RPH3AL: variants seen among roughly 807,000 people sequenced by gnomAD.
RPH3AL encodes the protein rabphilin 3A like (without C2 domains).
RPH3AL carries 38 observed loss-of-function variants against 43.1 expected under a neutral mutation model. That is an observed-to-expected ratio of 0.88 (90% CI 0.68 to 1.15). The LOEUF is 1.15. Ranked by LOEUF, RPH3AL falls within the 50% of genes most tolerant of loss-of-function variation. The pLI is 0.00. For missense variants in RPH3AL, 462 were observed against 423.2 expected (o/e 1.09, Z -0.81); for synonymous variants, 189 against 176.3 (o/e 1.07, Z -0.57).
At chr17:301,958 T>C (rs2043339655) in intron 5 of RPH3AL, among the ~76,000 whole-genome samples, 1 of 152,160 alleles carries the variant, frequency 6.6e-6, no homozygotes, top group Admixed American at 6.5e-5. Context: ...ATCATGGAAA[T>C]GTCAGGCACA....
At chr17:281,666 C>CCCCCCCCCCCCCCCCCCCA in intron 6 of RPH3AL, 102 bp downstream of exon 6, 1 of 539,634 alleles carries the variant, frequency 1.9e-6, no homozygotes, top group Non-Finnish European at 3.5e-6. Context: ...CGTATCCAGC[C>CCCCCCCCCCCCCCCCCCCA]CGCCCAGCCC....
intron 5 of RPH3AL, chr17:306,568 T>C (rs895439286): frequency 6.6e-6 from 1 of 152,234 alleles, no homozygotes; most frequent in Non-Finnish European, 1.5e-5. Context: ...AGTCTCCATC[T>C]TGGCTGCTCC....
chr17:271,552 T>G (rs534579734), intron 6 of RPH3AL, among the ~76,000 whole-genome samples: 1 of 152,312 alleles, frequency 6.6e-6, no homozygotes, highest in South Asian at 2.1e-4. Context: ...TGAATGGGAG[T>G]TCACTCATGA....
At chr17:282,924 A>G (rs2042815556) in intron 5 of RPH3AL, among the ~76,000 whole-genome samples, 1 of 152,238 alleles carries the variant, frequency 6.6e-6, no homozygotes, top group Non-Finnish European at 1.5e-5. Flanking sequence ...TGCTGGCCGA[A>G]ACGTCATTAT....
chr17:315,542 C>G (rs1328133052), intron 5 of RPH3AL, among the ~76,000 whole-genome samples: 1 of 152,244 alleles, frequency 6.6e-6, no homozygotes, highest in South Asian at 2.1e-4. Context: ...GCTCCCACCT[C>G]CATTGACCTG....
chr17:307,003 C>A (rs1176584026), intron 5 of RPH3AL, among the ~76,000 whole-genome samples: 1 of 152,168 alleles, frequency 6.6e-6, no homozygotes, highest in Non-Finnish European at 1.5e-5. Flanking sequence ...ACCCTCCAGG[C>A]CCGGCTGCCA....
intron 6 of RPH3AL, among the ~76,000 whole-genome samples, chr17:268,516 G>A (rs1322453014): frequency 7.1e-6 from 1 of 140,064 alleles, no homozygotes; most frequent in African/African-American, 2.6e-5. Context: ...GTTTTGGAGA[G>A]TTAATAGTTA....
intron 5 of RPH3AL, among the ~76,000 whole-genome samples, chr17:302,931 G>A (rs2043366570): frequency 6.6e-6 from 1 of 152,206 alleles, no homozygotes; most frequent in African/African-American, 2.4e-5. Flanking sequence ...CGAAGGTCAG[G>A]GGCGGGAGCT....
chr17:298,740 G>A (rs2043244531), intron 5 of RPH3AL, among the ~76,000 whole-genome samples: 1 of 151,686 alleles, frequency 6.6e-6, no homozygotes. Flanking sequence ...GCAAATACAT[G>A]TTATTGGAAC....
intron 5 of RPH3AL, among the ~76,000 whole-genome samples, chr17:284,514 G>A (rs747167864): frequency 1.6e-4 from 25 of 152,188 alleles, no homozygotes; most frequent in Middle Eastern, 3.4e-3. Flanking sequence ...TGCTGGGGTC[G>A]TGAGTGTGGC....
intron 6 of RPH3AL, among the ~76,000 whole-genome samples, chr17:249,287 A>G (rs186651651): frequency 1.3e-5 from 2 of 152,200 alleles, no homozygotes; most frequent in African/African-American, 4.8e-5. Context: ...CCTGAATCTG[A>G]ATCCTGGGTC....
chr17:241,151 G>A (rs1047810730), intron 7 of RPH3AL, among the ~76,000 whole-genome samples: 1 of 152,008 alleles, frequency 6.6e-6, no homozygotes, highest in Non-Finnish European at 1.5e-5. Context: ...CACTTTGGAA[G>A]GCCAAGGTGG....
intron 5 of RPH3AL, among the ~76,000 whole-genome samples, chr17:314,827 T>A (rs867760485): frequency 2.1e-3 from 12 of 5,700 alleles, no homozygotes; most frequent in African/African-American, 8.8e-3. Flanking sequence ...ACCTGTAGTC[T>A]CTGTGCTCCA....
At chr17:238,045 G>A (rs1006995859) in intron 7 of RPH3AL, among the ~76,000 whole-genome samples, 1 of 152,066 alleles carries the variant, frequency 6.6e-6, no homozygotes, top group Admixed American at 6.6e-5. Context: ...AGGCAGAGGT[G>A]GGAGGATTGC....
At chr17:286,703 C>A (rs921369107) in intron 5 of RPH3AL, among the ~76,000 whole-genome samples, 6 of 152,182 alleles carry the variant, frequency 3.9e-5, no homozygotes, top group Admixed American at 3.3e-4. Flanking sequence ...CTAGGACAGT[C>A]CCGGGGCCCA....
At chr17:240,269 G>T (rs919171110) in intron 7 of RPH3AL, among the ~76,000 whole-genome samples, 3 of 149,220 alleles carry the variant, frequency 2.0e-5, no homozygotes, top group African/African-American at 4.9e-5. Context: ...TTTGTTGTAA[G>T]CTATTCTCCA....
chr17:268,550 TG>T, intron 6 of RPH3AL, among the ~76,000 whole-genome samples: 2 of 134,456 alleles, frequency 1.5e-5, no homozygotes, highest in South Asian at 2.3e-4. Flanking sequence ...AGTATGTTTT[TG>T]GGTTTTTTTT....
At chr17:320,761 C>G (rs765296975) in intron 4 of RPH3AL, among the ~76,000 whole-genome samples, 1 of 152,232 alleles carries the variant, frequency 6.6e-6, no homozygotes, top group African/African-American at 2.4e-5. Context: ...TTCAGATTTT[C>G]TAGGAAATAT....
intron 6 of RPH3AL, among the ~76,000 whole-genome samples, chr17:280,738 C>T (rs72806017): frequency 0.052 from 7,900 of 152,192 alleles, 288 homozygotes; most frequent in Non-Finnish European, 0.079. Flanking sequence ...CCAGAAAGGA[C>T]CACAGAAAGA....
Sources: allele counts gnomAD v4.1 joint callset (sites outside exome capture counted in the v4.1 genomes callset), GRCh38; gene constraint gnomAD v4.1.1; transcripts MANE v1.5; gene names NCBI Gene and HGNC (gene_info 2026-07-23, HGNC 2026-07-21).